VWA2: variants seen among roughly 807,000 people sequenced by gnomAD.
VWA2 encodes von Willebrand factor A domain-containing protein 2.
A neutral mutation model predicts 70.4 loss-of-function variants in VWA2; 73 were observed. The ratio of observed to expected loss-of-function variants is 1.04; its 90% CI spans 0.86 to 1.26. VWA2 has a LOEUF of 1.26. VWA2 is among the 50% of genes most tolerant of loss of function. VWA2 has a pLI of 0.00. For missense variants in VWA2, 1,011 were observed against 998.5 expected (o/e 1.01, Z -0.17); for synonymous variants, 407 against 423.3 (o/e 0.96, Z 0.47).
intron 1 of VWA2, among the ~76,000 whole-genome samples, chr10:114,247,362 C>T (rs1246456155): frequency 6.6e-6 from 1 of 152,078 alleles, no homozygotes; most frequent in Non-Finnish European, 1.5e-5. Context: ...GCTCTACCTC[C>T]ATTTAGGGAC....
At position 114,286,464 on chromosome 10, in the gene VWA2, A is replaced by C. The variant is rs371896119; in HGVS notation, c.1523A>C (p.Asn508Thr). The C allele has an allele frequency of 3.1e-6, 5 of 1,602,828 alleles. No homozygotes were observed. The African/African-American group carries it at 6.7e-5, about 21-fold the overall frequency. ...MVYSDPQDLFNQIPELQGKLC... is the reference protein window; with the variant it reads ...MVYSDPQDLFTQIPELQGKLC... ...TACTCGGATCCTCAGGATCTGTTCA[A>C]CCAAATCCCTGAGCTGCAGGGGAAG... The change falls in exon 11 of 14, where the codon AAC becomes ACC. Residue 508 changes from asparagine (N) to threonine (T), a missense_variant. Transcript: ENST00000392982.
At chr10:114,246,863 C>G (rs1482046932) in intron 1 of VWA2, 1 of 683,730 alleles carries the variant, frequency 1.5e-6, no homozygotes, top group African/African-American at 1.8e-5. Context: ...CCTGGCAATG[C>G]CTGAACCTCC....
At chr10:114,274,460 G>A (rs1398536567) in intron 6 of VWA2, among the ~76,000 whole-genome samples, 1 of 152,044 alleles carries the variant, frequency 6.6e-6, no homozygotes, top group African/African-American at 2.4e-5. Context: ...CTGCAGCCTC[G>A]ACTTAGGATA....
At chr10:114,263,047 A>C (rs1422301287) in intron 5 of VWA2, among the ~76,000 whole-genome samples, 1 of 152,158 alleles carries the variant, frequency 6.6e-6, no homozygotes, top group Non-Finnish European at 1.5e-5. Context: ...GCACAGTCTC[A>C]CTGTGTTGCC....
rs540565868 is a variant in VWA2, at chr10:114,263,864, TTGTTCCAAA to T, written c.371+2570_371+2578del. On this transcript the variant is annotated intron_variant, in intron 5 of 13. Coordinates refer to ENST00000392982, the MANE Select transcript of VWA2 (RefSeq NM_001272046.2). ...CACAAAGAAACCTTGTAAGTAGACATTGTTCCAAAGAAGATAGACAAATGGCCAATAAGT... is the reference window on the plus strand; with the variant it reads ...CACAAAGAAACCTTGTAAGTAGACATGAAGATAGACAAATGGCCAATAAGT... 1.4e-4 allele frequency among the ~76,000 whole-genome samples: 21 copies of T among 152,350 alleles called. No individual in the cohort carries two copies. In the East Asian group the frequency reaches 3.3e-3, roughly 24 times the overall value.
At position 114,286,299 on chromosome 10, in the gene VWA2, C is replaced by T; in HGVS notation, c.1358C>T (p.Thr453Ile). The stretch of plus-strand genomic sequence containing the variant: ...CCACGTAGAGTGGTGGTTTTGCTCA[C>T]TGAGTCACACTCCGAGGATGAGGTT... The part of the protein sequence containing the change: ...DRPRRVVVLL[T>I]ESHSEDEVAG... The change falls in exon 11 of 14, where the codon ACT becomes ATT. Residue 453 changes from threonine to isoleucine, a missense_variant. Physicochemically the swap from Thr to Ile is moderately conservative, Grantham distance 89. Transcript: ENST00000392982. 3 of 1,610,270 alleles carry T rather than the reference C, an allele frequency of 1.9e-6. No individual in the cohort carries two copies. Among genetic ancestry groups the T allele is most frequent in the East Asian group, 2.2e-5 (1 of 44,784 alleles).
At chr10:114,278,689 C>CGTGGGT (rs759887745) in intron 7 of VWA2, 30 bp from the exon 8 acceptor site, 23 of 1,610,722 alleles carry the variant, frequency 1.4e-5, no homozygotes, top group Middle Eastern at 1.7e-4. Context: ...CTGTCTCCTC[C>CGTGGGT]GTGGGTGTGG....
chr10:114,251,760 C>T (rs2037200257), intron 2 of VWA2, among the ~76,000 whole-genome samples: 1 of 151,232 alleles, frequency 6.6e-6, no homozygotes. Context: ...GGGTGGGCCG[C>T]AGTGGGCCCA....
intron 2 of VWA2, among the ~76,000 whole-genome samples, chr10:114,251,844 G>C (rs899388315): frequency 7.7e-6 from 1 of 130,558 alleles, no homozygotes; most frequent in African/African-American, 3.0e-5. Context: ...TTTTTTTTGA[G>C]ATTCAGTCTC....
intron 11 of VWA2, among the ~76,000 whole-genome samples, chr10:114,288,531 G>A (rs2039189019): frequency 6.6e-6 from 1 of 152,242 alleles, no homozygotes; most frequent in Non-Finnish European, 1.5e-5. Flanking sequence ...ACAGTTCAGA[G>A]GTGAGTGGCC....
chr10:114,261,423 G>GAATTCATGT, intron 5 of VWA2, 128 bp downstream of exon 5: 1 of 613,588 alleles, frequency 1.6e-6, no homozygotes, highest in East Asian at 2.8e-5. Context: ...AGTCCAGCTG[G>GAATTCATGT]GCACAGTTGG....
chr10:114,250,973 A>G (rs1385957531), intron 2 of VWA2, among the ~76,000 whole-genome samples: 2 of 152,246 alleles, frequency 1.3e-5, no homozygotes, highest in Non-Finnish European at 2.9e-5. Flanking sequence ...TGACATGCCC[A>G]AGGTCACACA....
In VWA2 at chr10:114,291,530, G is replaced by A. The variant is rs2039598185; in HGVS notation, c.*293G>A. 2.5e-6 allele frequency: 1 copy of A among 397,752 alleles called. No individual in the cohort carries two copies. The highest frequency in any genetic ancestry group is 2.1e-5 in the African/African-American group (1 of 47,596). The allele number at this position is 397,752 out of a possible 1,614,324, so 24.6% of individuals were successfully genotyped here. A position where few individuals can be genotyped will look rare whatever the true frequency, so the allele number is the denominator to read the frequency against. ...CTTTCTGTACCTGCTGTGCCTTGTT[G>A]AGGCTATGTCATCTGCCACCTTTCC... On this transcript the variant is annotated 3_prime_UTR_variant, in exon 14 of 14. Coordinates refer to ENST00000392982, the MANE Select transcript of VWA2 (RefSeq NM_001272046.2).
At position 114,277,950 on chromosome 10, in the gene VWA2, A is replaced by C. The variant is rs762433097; in HGVS notation, c.603A>C (p.Arg201Ser). ...EELHALASEPRGQHVLLAEQV... is the reference protein window; with the variant it reads ...EELHALASEPSGQHVLLAEQV... ...TGCATGCACTGGCCAGCGAGCCTAG[A>C]GGGCAGCACGTGCTGTTGGCTGAGC... Residue 201 changes from arginine to serine, a missense_variant, in exon 7 of 14, where the codon AGA becomes AGC. Coordinates refer to ENST00000392982, the MANE Select transcript of VWA2 (RefSeq NM_001272046.2). The C allele has an allele frequency of 1.3e-5, 21 of 1,612,048 alleles. No homozygotes were observed. Among genetic ancestry groups the C allele is most frequent in the Non-Finnish European group, 1.8e-5 (21 of 1,179,286 alleles).
chr10:114,262,319 CATATA>C (rs753892529), intron 5 of VWA2, among the ~76,000 whole-genome samples: 124 of 149,316 alleles, frequency 8.3e-4, no homozygotes, highest in Middle Eastern at 3.6e-3. Flanking sequence ...ATTATATATA[CATATA>C]ATATATATGA....
intron 13 of VWA2, among the ~76,000 whole-genome samples, chr10:114,290,588 A>G (rs1382048172): frequency 1.3e-5 from 2 of 152,244 alleles, no homozygotes; most frequent in Non-Finnish European, 2.9e-5. Context: ...CTCTGCCCTC[A>G]TGGAGCTTCC....
At chr10:114,247,737 C>G (rs908183248) in intron 1 of VWA2, among the ~76,000 whole-genome samples, 1 of 151,678 alleles carries the variant, frequency 6.6e-6, no homozygotes, top group Non-Finnish European at 1.5e-5. Flanking sequence ...AGGCAGGAGT[C>G]CAATGGGACT....
intron 1 of VWA2, chr10:114,246,387 G>A: frequency 3.4e-6 from 2 of 594,764 alleles, no homozygotes; most frequent in East Asian, 5.6e-5. Flanking sequence ...TGTAATCCCA[G>A]CTACTCAGAA....
At chr10:114,261,934 G>A (rs1322614135) in intron 5 of VWA2, among the ~76,000 whole-genome samples, 3 of 152,172 alleles carry the variant, frequency 2.0e-5, no homozygotes, top group African/African-American at 7.2e-5. Context: ...TCCAATCATG[G>A]CGGAAGGCAA....
Sources: allele counts gnomAD v4.1 joint callset (sites outside exome capture counted in the v4.1 genomes callset), GRCh38; gene constraint gnomAD v4.1.1; transcripts MANE v1.5; gene names NCBI Gene and HGNC (gene_info 2026-07-23, HGNC 2026-07-21).